The following FNDC3A variants were observed in gnomAD, a reference collection of about 807,000 sequenced individuals.
The protein encoded by FNDC3A is fibronectin type III domain containing 3A, also known as fibronectin type-III domain-containing protein 3A.
Under a neutral mutation model 148.9 loss-of-function variants are expected in FNDC3A, and 32 were observed. That is an observed-to-expected ratio of 0.21 (90% CI 0.16 to 0.29). The LOEUF (loss-of-function observed/expected upper bound fraction) is 0.29, where lower values mean the gene tolerates loss of function less well. Ranked by LOEUF, FNDC3A falls within the 10% of genes least tolerant of loss-of-function variation. The pLI is 1.00. For synonymous variants in FNDC3A, 472 were observed against 473.6 expected (o/e 1.00, Z 0.04); for missense variants, 1,191 against 1,452.8 (o/e 0.82, Z 2.93).
chr13:49,009,032 A>G (rs528653661), intron 2 of FNDC3A, among the ~76,000 whole-genome samples: 3 of 152,268 alleles, frequency 2.0e-5, no homozygotes, highest in Admixed American at 6.5e-5. Flanking sequence ...GTTGTACAAC[A>G]GTTCTTCAGG....
chr13:48,988,748 G>A (rs547274168), intron 1 of FNDC3A, among the ~76,000 whole-genome samples: 57 of 152,040 alleles, frequency 3.7e-4, no homozygotes, highest in African/African-American at 1.3e-3. Context: ...CTACTTTGGA[G>A]GCTGAGGTGG....
chr13:49,092,445 G>A (rs1027204652), intron 3 of FNDC3A, among the ~76,000 whole-genome samples: 6 of 152,062 alleles, frequency 3.9e-5, no homozygotes, highest in East Asian at 1.9e-4. Context: ...ATCTTCTAGC[G>A]GTATTGGCAG....
chr13:49,097,560 G>A (rs1879611472), intron 3 of FNDC3A, among the ~76,000 whole-genome samples: 1 of 152,056 alleles, frequency 6.6e-6, no homozygotes, highest in Non-Finnish European at 1.5e-5. Flanking sequence ...CCCCTGGGAA[G>A]TGCCAGTCTT....
At chr13:48,989,032 A>C (rs1951858907) in intron 1 of FNDC3A, among the ~76,000 whole-genome samples, 1 of 152,222 alleles carries the variant, frequency 6.6e-6, no homozygotes, top group Non-Finnish European at 1.5e-5. Flanking sequence ...ACAGGGCCAG[A>C]AGAAGTGCCT....
At chr13:49,064,650 C>CA (rs2137751635) in intron 2 of FNDC3A, among the ~76,000 whole-genome samples, 1 of 152,176 alleles carries the variant, frequency 6.6e-6, no homozygotes, top group South Asian at 2.1e-4. Context: ...CAGACACAGT[C>CA]AGTCATTATG....
At chr13:49,000,293 A>G (rs974301938) in intron 1 of FNDC3A, among the ~76,000 whole-genome samples, 1 of 152,230 alleles carries the variant, frequency 6.6e-6, no homozygotes, top group African/African-American at 2.4e-5. Context: ...ATTATTTTGC[A>G]TGTGGCTATC....
chr13:49,040,066 G>A lies in FNDC3A; in HGVS notation c.99+33777G>A, dbSNP rs1206133946. ...GTACATATTTTCATATGTCATCGTA[G>A]GACACTTGTAAGAATAACTTAAAGG... On this transcript the variant is annotated intron_variant, in intron 2 of 25. Coordinates refer to ENST00000492622, the MANE Select transcript of FNDC3A (RefSeq NM_001079673.2). 3.3e-5 allele frequency among the ~76,000 whole-genome samples: 5 copies of A among 152,116 alleles called. No homozygotes were observed. The East Asian group carries it at 9.6e-4, about 29-fold the overall frequency.
intron 14 of FNDC3A, among the ~76,000 whole-genome samples, chr13:49,184,673 G>A (rs1053126576): frequency 2.0e-5 from 3 of 152,078 alleles, no homozygotes; most frequent in East Asian, 1.9e-4. Context: ...CCCTGGGGTC[G>A]TTTGTTGGTT....
At chr13:49,082,154 G>A (rs1344212682) in intron 3 of FNDC3A, among the ~76,000 whole-genome samples, 5 of 152,110 alleles carry the variant, frequency 3.3e-5, no homozygotes, top group Non-Finnish European at 7.3e-5. Flanking sequence ...GGAGGCCGAG[G>A]TGGGGCGGAT....
At chr13:49,136,256 T>G in intron 5 of FNDC3A, 76 bp from the exon 6 acceptor site, 3 of 1,252,160 alleles carry the variant, frequency 2.4e-6, no homozygotes, top group Non-Finnish European at 3.3e-6. Flanking sequence ...TAGATTTATT[T>G]TCTGTTCTTT....
intron 2 of FNDC3A, among the ~76,000 whole-genome samples, chr13:49,014,488 C>G (rs1952445384): frequency 8.0e-6 from 1 of 125,554 alleles, no homozygotes; most frequent in African/African-American, 3.0e-5. Flanking sequence ...ATTGTAGATT[C>G]TGGATATTAG....
At chr13:49,115,691 G>A (rs1880906284) in intron 4 of FNDC3A, among the ~76,000 whole-genome samples, 1 of 152,202 alleles carries the variant, frequency 6.6e-6, no homozygotes, top group South Asian at 2.1e-4. Flanking sequence ...CCTTCATTAT[G>A]AGATGAGATC....
chr13:49,195,314 T>C (rs992541613), intron 19 of FNDC3A, among the ~76,000 whole-genome samples: 22 of 152,146 alleles, frequency 1.4e-4, no homozygotes, highest in Non-Finnish European at 5.9e-5. Flanking sequence ...ACAGTTACGT[T>C]CACAATATTA....
chr13:49,128,360 C>T lies in FNDC3A; in HGVS notation c.253-2777C>T, dbSNP rs114307016. On this transcript the variant is annotated intron_variant, in intron 4 of 25. Transcript: ENST00000492622. ...AACTCAGCAGCCAGAATAGTCCTGT[C>T]AAATATAAGGTTACATCAGGAATTC... 9.4e-3 allele frequency among the ~76,000 whole-genome samples: 1,428 copies of T among 152,212 alleles called. 22 individuals are homozygous for T. Among genetic ancestry groups the T allele is most frequent in the African/African-American group, 0.032 (1,343 of 41,532 alleles).
chr13:49,198,065 T>C lies in FNDC3A; in HGVS notation c.2574T>C (p.Cys858=), dbSNP rs572266728. ...CATCAGTTCCTGGCATTGTGACCTG[T>C]CTTCAAGAAATAAGCGATGATGAGA... ...TPPSVPGIVT[C]LQEISDDEIE... The change falls in exon 22 of 26, where the codon TGT becomes TGC. Residue 858 remains cysteine (C), a synonymous_variant. Transcript: ENST00000492622. 1.7e-5 allele frequency: 27 copies of C among 1,614,184 alleles called. No individual in the cohort carries two copies. In the Admixed American group the frequency reaches 2.3e-4, roughly 14 times the overall value.
At chr13:49,128,456 G>T (rs1463586809) in intron 4 of FNDC3A, among the ~76,000 whole-genome samples, 3 of 152,098 alleles carry the variant, frequency 2.0e-5, no homozygotes, top group Admixed American at 6.5e-5. Flanking sequence ...AGGTTATTTA[G>T]CAGTATTCCG....
chr13:49,140,653 A>T (rs1566278252), intron 7 of FNDC3A, among the ~76,000 whole-genome samples: 1 of 152,186 alleles, frequency 6.6e-6, no homozygotes, highest in African/African-American at 2.4e-5. Flanking sequence ...TCACTTTTTC[A>T]TTCCATAAAT....
chr13:49,112,531 G>A (rs184295967), intron 3 of FNDC3A, among the ~76,000 whole-genome samples: 2 of 152,106 alleles, frequency 1.3e-5, no homozygotes, highest in African/African-American at 2.4e-5. Context: ...ATGTTTTTAC[G>A]GATGTAAAGA....
chr13:49,060,367 GGGC>G (rs1876578621), intron 2 of FNDC3A, among the ~76,000 whole-genome samples: 3 of 152,148 alleles, frequency 2.0e-5, no homozygotes, highest in Non-Finnish European at 4.4e-5. Flanking sequence ...TGCTGAGGCG[GGGC>G]TGGTGGCTCA....
Sources: allele counts gnomAD v4.1 joint callset (sites outside exome capture counted in the v4.1 genomes callset), GRCh38; gene constraint gnomAD v4.1.1; transcripts MANE v1.5; gene names NCBI Gene and HGNC (gene_info 2026-07-23, HGNC 2026-07-21).